Variants in MALRD1 observed in about 807,000 individuals in gnomAD.
MALRD1 encodes the protein MAM and LDL-receptor class A domain-containing protein 1.
MALRD1 carries 247 observed loss-of-function variants against 242.1 expected under a neutral mutation model. The ratio of observed to expected loss-of-function variants is 1.02; its 90% CI spans 0.92 to 1.13. The LOEUF is 1.13. MALRD1 is among the 50% of genes most tolerant of loss of function. MALRD1 has a pLI of 0.00. For missense variants in MALRD1, 2,989 were observed against 2,533.1 expected (o/e 1.18, Z -3.86); for synonymous variants, 995 against 866.6 (o/e 1.15, Z -2.60).
chr10:19,371,568 G>A (rs1845380404), intron 26 of MALRD1, among the ~76,000 whole-genome samples: 1 of 151,814 alleles, frequency 6.6e-6, no homozygotes, highest in Admixed American at 6.6e-5. Flanking sequence ...TCTTGGCCCA[G>A]GCCTACAGTC....
chr10:19,359,478 C>A (rs1844793532), intron 26 of MALRD1, among the ~76,000 whole-genome samples: 1 of 151,994 alleles, frequency 6.6e-6, no homozygotes, highest in Non-Finnish European at 1.5e-5. Context: ...GGCTGTTCAT[C>A]ATGGGTGTTG....
At chr10:19,402,292 G>T (rs1404959419) in intron 28 of MALRD1, among the ~76,000 whole-genome samples, 1 of 152,120 alleles carries the variant, frequency 6.6e-6, no homozygotes, top group Non-Finnish European at 1.5e-5. Flanking sequence ...ATATGGTTTG[G>T]CTGTTTCCCC....
intron 14 of MALRD1, among the ~76,000 whole-genome samples, chr10:19,199,673 C>T (rs7075326): frequency 0.14 from 21,162 of 151,984 alleles, 1,563 homozygotes; most frequent in Middle Eastern, 0.2. Flanking sequence ...TGGTGGCAGG[C>T]ACCTGTAATC....
chr10:19,380,885 T>C (rs906812857), intron 26 of MALRD1, among the ~76,000 whole-genome samples: 4 of 148,560 alleles, frequency 2.7e-5, no homozygotes, highest in East Asian at 2.0e-4. Flanking sequence ...GATTTCTTTC[T>C]AAAGAACGTT....
intron 21 of MALRD1, among the ~76,000 whole-genome samples, chr10:19,284,600 C>A (rs964111534): frequency 6.6e-6 from 1 of 151,004 alleles, no homozygotes; most frequent in South Asian, 2.1e-4. Flanking sequence ...TTGATGGCTG[C>A]GTAGTATTCC....
chr10:19,106,401 T>C (rs11008496), intron 5 of MALRD1, among the ~76,000 whole-genome samples: 38,496 of 151,692 alleles, frequency 0.25, 4,963 homozygotes, highest in Admixed American at 0.34. Context: ...TCCAGGAATT[T>C]ATCTATTTCT....
chr10:19,189,127 G>A (rs11008861), intron 14 of MALRD1, among the ~76,000 whole-genome samples: 65,420 of 151,656 alleles, frequency 0.43, 14,517 homozygotes, highest in Admixed American at 0.5. Context: ...TGGGGACATT[G>A]CTTTCAATTC....
intron 38 of MALRD1, chr10:19,722,510 A>AGC (rs1464631555): frequency 2.8e-5 from 4 of 141,684 alleles, no homozygotes; most frequent in Non-Finnish European, 4.5e-5. Context: ...GGATCTCTTG[A>AGC]GCCCAGGAGT....
intron 29 of MALRD1, among the ~76,000 whole-genome samples, chr10:19,455,656 A>G (rs1171637517): frequency 1.3e-5 from 2 of 152,248 alleles, no homozygotes; most frequent in Non-Finnish European, 2.9e-5. Flanking sequence ...GCCAATAAAT[A>G]TAAATGAACT....
rs570555281 is a variant in MALRD1, at chr10:19,707,182, G to A, written c.6314+14628G>A. ...TTCTTCTTCTTCGTCCTCCTCCTCT[G>A]CCTCCTCCTCCTTCTCTTCCTCCTT... is the stretch of plus-strand genomic sequence containing the variant. On this transcript the variant is annotated intron_variant, in intron 38 of 39. Coordinates refer to ENST00000454679, the MANE Select transcript of MALRD1 (RefSeq NM_001142308.3). Among the ~76,000 whole-genome samples, 22 of 138,338 alleles carry A rather than the reference G, an allele frequency of 1.6e-4. No individual in the cohort carries two copies. The Admixed American group carries it at 1.6e-3, about 10-fold the overall frequency. 90.8% of individuals were successfully genotyped at this position (138,338 alleles called of 152,430 possible).
chr10:19,106,148 C>G (rs906224769), intron 5 of MALRD1, among the ~76,000 whole-genome samples: 7 of 151,812 alleles, frequency 4.6e-5, no homozygotes, highest in African/African-American at 1.7e-4. Context: ...CCTTTATATT[C>G]TCTTCCCACC....
At chr10:19,654,175 G>T (rs867549486) in intron 36 of MALRD1, among the ~76,000 whole-genome samples, 3 of 152,054 alleles carry the variant, frequency 2.0e-5, no homozygotes, top group African/African-American at 7.2e-5. Flanking sequence ...CATCTACCTG[G>T]CAGGAATGAT....
chr10:19,534,949 G>A (rs992543437), intron 32 of MALRD1, among the ~76,000 whole-genome samples: 6 of 151,974 alleles, frequency 3.9e-5, no homozygotes, highest in African/African-American at 1.5e-4. Flanking sequence ...GCAGTGGCGC[G>A]ATCTTGGCTC....
At chr10:19,571,159 C>T (rs969609130) in intron 33 of MALRD1, among the ~76,000 whole-genome samples, 1 of 152,072 alleles carries the variant, frequency 6.6e-6, no homozygotes, top group South Asian at 2.1e-4. Flanking sequence ...TCTTACTTGC[C>T]AAAGTTAAGG....
intron 36 of MALRD1, among the ~76,000 whole-genome samples, chr10:19,654,832 C>G (rs528222383): frequency 2.2e-4 from 33 of 152,216 alleles, no homozygotes; most frequent in Middle Eastern, 3.4e-3. Flanking sequence ...AAAAGATAGA[C>G]ACATCTGTGT....
At chr10:19,647,924 G>A (rs1204685151) in intron 36 of MALRD1, among the ~76,000 whole-genome samples, 2 of 152,124 alleles carry the variant, frequency 1.3e-5, no homozygotes, top group Non-Finnish European at 2.9e-5. Flanking sequence ...AAACTCAGGA[G>A]GTAAGTCCCA....
At chr10:19,202,304 TG>T (rs1836574133) in intron 14 of MALRD1, among the ~76,000 whole-genome samples, 1 of 152,168 alleles carries the variant, frequency 6.6e-6, no homozygotes, top group Non-Finnish European at 1.5e-5. Flanking sequence ...ACTACTCTGC[TG>T]GCCAAATTTG....
intron 33 of MALRD1, among the ~76,000 whole-genome samples, chr10:19,587,089 G>A (rs1011111276): frequency 4.6e-5 from 7 of 152,144 alleles, no homozygotes; most frequent in African/African-American, 9.7e-5. Flanking sequence ...TTCGGCTCGC[G>A]CACGGTGCAT....
At chr10:19,444,465 T>C (rs1184137324) in intron 28 of MALRD1, among the ~76,000 whole-genome samples, 3 of 152,220 alleles carry the variant, frequency 2.0e-5, no homozygotes, top group Admixed American at 6.5e-5. Flanking sequence ...CTTTCCATGT[T>C]TATTGCTTCC....
Sources: allele counts gnomAD v4.1 joint callset (sites outside exome capture counted in the v4.1 genomes callset), GRCh38; gene constraint gnomAD v4.1.1; transcripts MANE v1.5; gene names NCBI Gene and HGNC (gene_info 2026-07-23, HGNC 2026-07-21).